Variants in TUBGCP4 observed in about 807,000 individuals in gnomAD.
TUBGCP4 encodes tubulin gamma complex component 4, also known as gamma-tubulin complex component 4.
A neutral mutation model predicts 91.6 loss-of-function variants in TUBGCP4; 54 were observed. That is an observed-to-expected ratio of 0.59 (90% CI 0.47 to 0.74). The LOEUF (loss-of-function observed/expected upper bound fraction) is 0.74, where lower values mean the gene tolerates loss of function less well. Among genes scored for constraint, TUBGCP4 ranks in the 30% least tolerant of loss-of-function variants. The pLI is 0.00. For missense variants in TUBGCP4, 593 were observed against 800.9 expected (o/e 0.74, Z 3.13); for synonymous variants, 297 against 302.8 (o/e 0.98, Z 0.20).
At position 43,407,548 on chromosome 15, in the gene TUBGCP4, A is replaced by T. The variant is rs766779877; in HGVS notation, c.*2334A>T. On this transcript the variant is annotated 3_prime_UTR_variant, in exon 18 of 18. Transcript: ENST00000564079. ...GGCATGAGGGGTCCGTCACCACCACATCAAATACCCCTAAAGCAATATCTG... is the reference window on the plus strand; with the variant it reads ...GGCATGAGGGGTCCGTCACCACCACTTCAAATACCCCTAAAGCAATATCTG... The T allele has an allele frequency of 1.9e-6, 3 of 1,613,914 alleles. No individual in the cohort carries two copies.
At position 43,406,162 on chromosome 15, in the gene TUBGCP4, C is replaced by A. The variant is rs981239471; in HGVS notation, c.*948C>A. 1 of 151,676 alleles carries A rather than the reference C, an allele frequency of 6.6e-6. No homozygotes were observed. The highest frequency in any genetic ancestry group is 1.5e-5 in the Non-Finnish European group (1 of 68,248). 9.4% of individuals were successfully genotyped at this position (151,676 alleles called of 1,614,324 possible). Reference sequence around the variant, plus strand: ...ATTGCAGGCCCAATTACCCATCTTACACAAACCATAGGGGTTGAAGTTATC... The same window carrying A: ...ATTGCAGGCCCAATTACCCATCTTAAACAAACCATAGGGGTTGAAGTTATC... On this transcript the variant is annotated 3_prime_UTR_variant, in exon 18 of 18. Transcript: ENST00000564079.
At chr15:43,378,474 A>G (rs903711120) in intron 5 of TUBGCP4, among the ~76,000 whole-genome samples, 4 of 152,246 alleles carry the variant, frequency 2.6e-5, no homozygotes, top group African/African-American at 4.8e-5. Flanking sequence ...TTGGTCCACA[A>G]TTGGACCAAG....
Position 43,406,506 on chromosome 15 carries a change from A to G in TUBGCP4, c.*1292A>G, listed in dbSNP as rs983350643. 3 of 445,022 alleles carry G rather than the reference A, an allele frequency of 6.7e-6. No homozygotes were observed. Among genetic ancestry groups the G allele is most frequent in the African/African-American group, 6.1e-5 (3 of 49,560 alleles). 27.6% of individuals were successfully genotyped at this position (445,022 alleles called of 1,614,324 possible). ...ATGCCCATTTGTTTACTCATTGTCT[A>G]TGGTTGCTTTCATGCCCTCACAGCA... On this transcript the variant is annotated 3_prime_UTR_variant, in exon 18 of 18. Transcript: ENST00000564079.
intron 9 of TUBGCP4, chr15:43,394,834 T>C: frequency 2.2e-6 from 1 of 446,146 alleles, no homozygotes; most frequent in Non-Finnish European, 4.1e-6. Flanking sequence ...TCCTGAGGCC[T>C]CCCTAGAAGC....
At position 43,406,040 on chromosome 15, in the gene TUBGCP4, CAAAAAAAAAAAAA is replaced by C. The variant is rs67793488; in HGVS notation, c.*839_*851del. 4.7e-5 allele frequency: 3 copies of C among 63,990 alleles called. No individual in the cohort carries two copies. The highest frequency in any genetic ancestry group is 1.9e-4 in the Admixed American group (1 of 5,188). The allele number at this position is 63,990 out of a possible 1,614,324, so 4.0% of individuals were successfully genotyped here. A position where few individuals can be genotyped will look rare whatever the true frequency, so the allele number is the denominator to read the frequency against. ...GGGCAACAAGAGCGAAATTCCGTCTCAAAAAAAAAAAAAAAAAAAAAAAAAGTATTATTCTCCA... is the reference window on the plus strand; with the variant it reads ...GGGCAACAAGAGCGAAATTCCGTCTCAAAAAAAAAAAAGTATTATTCTCCA... On this transcript the variant is annotated 3_prime_UTR_variant, in exon 18 of 18. Transcript: ENST00000564079.
Position 43,395,175 on chromosome 15 carries a change from G to T in TUBGCP4, c.1065+18G>T. 1 of 1,613,926 alleles carries T rather than the reference G, an allele frequency of 6.2e-7. No individual in the cohort carries two copies. The highest frequency in any genetic ancestry group is 8.5e-7 in the Non-Finnish European group (1 of 1,179,826). ...AGCTGAAGGTAATGGCTTAGCTGTT[G>T]TAATTCTTACGGTGATGCTGGTAGG... On this transcript the variant is annotated intron_variant, in intron 10 of 17. Transcript: ENST00000564079.
At chr15:43,384,526 A>G (rs1385875904) in intron 7 of TUBGCP4, among the ~76,000 whole-genome samples, 1 of 152,236 alleles carries the variant, frequency 6.6e-6, no homozygotes, top group Non-Finnish European at 1.5e-5. Flanking sequence ...CATTAAGGAC[A>G]TGGTTCATTT....
At chr15:43,386,377 A>ATATTTTTTTTTTTTTTT (rs1555394852) in intron 9 of TUBGCP4, 47 bp downstream of exon 9, 3 of 19,092 alleles carry the variant, frequency 1.6e-4, no homozygotes, top group Non-Finnish European at 2.4e-4. Context: ...ATATATATAT[A>ATATTTTTTTTTTTTTTT]TTTTTTTTTT....
At position 43,406,824 on chromosome 15, in the gene TUBGCP4, A is replaced by G. The variant is rs1336848176; in HGVS notation, c.*1610A>G. On this transcript the variant is annotated 3_prime_UTR_variant, in exon 18 of 18. Transcript: ENST00000564079. ...TCAAGCTTATGGTCACTGTCCCTTC[A>G]TGGCAGTTGGTCCTTTCGTTCTCCC... 6.0e-6 allele frequency: 2 copies of G among 332,780 alleles called. No individual in the cohort carries two copies. Among genetic ancestry groups the G allele is most frequent in the Non-Finnish European group, 1.2e-5 (2 of 170,682 alleles). 20.6% of individuals were successfully genotyped at this position (332,780 alleles called of 1,614,324 possible).
At position 43,406,635 on chromosome 15, in the gene TUBGCP4, A is replaced by T. The variant is rs2044899651; in HGVS notation, c.*1421A>T. 2.2e-6 allele frequency: 1 copy of T among 456,056 alleles called. No homozygotes were observed. Among genetic ancestry groups the T allele is most frequent in the Non-Finnish European group, 4.4e-6 (1 of 226,782 alleles). 28.3% of individuals were successfully genotyped at this position (456,056 alleles called of 1,614,324 possible). ...TTGTTGACCCCTGCTTTAGAGAATG[A>T]GAAGCCATGCAGGGATCAGTGATGC... On this transcript the variant is annotated 3_prime_UTR_variant, in exon 18 of 18. Transcript: ENST00000564079.
At chr15:43,380,208 C>A in intron 6 of TUBGCP4, 45 bp downstream of exon 6, 1 of 1,518,592 alleles carries the variant, frequency 6.6e-7, no homozygotes, top group South Asian at 1.1e-5. Flanking sequence ...GGTGGGTGGT[C>A]AAATTATTTG....
At chr15:43,397,588 C>G (rs1566900252) in intron 12 of TUBGCP4, among the ~76,000 whole-genome samples, 1 of 151,888 alleles carries the variant, frequency 6.6e-6, no homozygotes, top group Non-Finnish European at 1.5e-5. Flanking sequence ...ATTTCCAGCC[C>G]CCAGATTTTA....
chr15:43,396,906 A>G (rs527619563), intron 11 of TUBGCP4, among the ~76,000 whole-genome samples: 6 of 152,300 alleles, frequency 3.9e-5, no homozygotes, highest in Admixed American at 2.0e-4. Context: ...TAGCATAACA[A>G]AGTAGAGTAT....
chr15:43,404,766 G>GAGAT (rs1362237032), intron 17 of TUBGCP4: 2 of 583,652 alleles, frequency 3.4e-6, no homozygotes, highest in Non-Finnish European at 5.9e-6. Flanking sequence ...ACCTGACAGT[G>GAGAT]AGATAGGTGT....
rs972939363 is a variant in TUBGCP4 at position 43,376,462 on chromosome 15, G to A, written c.208-41G>A. 2.5e-6 allele frequency: 4 copies of A among 1,613,984 alleles called. No homozygotes were observed. In the African/African-American group the frequency reaches 5.3e-5, roughly 22 times the overall value. ...TGATAATGTCTTTCTCAGGTTTCAG[G>A]GCCTGAGCTGAGAAGTTGGCTTCTG... On this transcript the variant is annotated intron_variant, in intron 2 of 17. Transcript: ENST00000564079.
chr15:43,409,165 A>T lies in TUBGCP4; in HGVS notation c.*3951A>T. The T allele has an allele frequency of 6.8e-7, 1 of 1,461,630 alleles. No individual in the cohort carries two copies. The highest frequency in any genetic ancestry group is 9.5e-7 in the Non-Finnish European group (1 of 1,049,612). The allele number at this position is 1,461,630 out of a possible 1,614,324, so 90.5% of individuals were successfully genotyped here. A position where few individuals can be genotyped will look rare whatever the true frequency, so the allele number is the denominator to read the frequency against. On this transcript the variant is annotated 3_prime_UTR_variant, in exon 18 of 18. Transcript: ENST00000564079. ...GGAAAGCTCCTAAGCAGCAGCCATA[A>T]TGAGCCATGAAGAGCAGATCTGAAG...
intron 13 of TUBGCP4, 134 bp downstream of exon 13, chr15:43,398,313 G>C (rs532012984): frequency 2.1e-6 from 2 of 945,534 alleles, no homozygotes; most frequent in Non-Finnish European, 3.0e-6. Flanking sequence ...TCCAGAGCCT[G>C]AGCAGGAGGA....
At chr15:43,378,099 G>A (rs1176088240) in intron 5 of TUBGCP4, among the ~76,000 whole-genome samples, 196 bp downstream of exon 5, 4 of 152,106 alleles carry the variant, frequency 2.6e-5, no homozygotes, top group African/African-American at 9.7e-5. Context: ...ACACCTCCTG[G>A]TCCAGAAGGT....
At chr15:43,393,646 T>C (rs966509491) in intron 9 of TUBGCP4, among the ~76,000 whole-genome samples, 1 of 152,026 alleles carries the variant, frequency 6.6e-6, no homozygotes, top group Admixed American at 6.6e-5. Flanking sequence ...CCTTCCTGTG[T>C]CCGTGTGTTC....
Sources: gnomAD v4.1 joint callset for allele counts (sites outside exome capture counted in the v4.1 genomes callset) on GRCh38, gnomAD v4.1.1 for gene constraint, MANE v1.5 for transcripts, NCBI Gene and HGNC (gene_info 2026-07-23, HGNC 2026-07-21) for gene names.